CLYBL: variants seen among roughly 807,000 people sequenced by gnomAD.
CLYBL encodes the protein citramalyl-CoA lyase, mitochondrial.
CLYBL carries 31 observed loss-of-function variants against 38.9 expected under a neutral mutation model. The observed-to-expected ratio is 0.80, with a 90% confidence interval of 0.60 to 1.08. The LOEUF is 1.08. Ranked by LOEUF, CLYBL falls within the 50% of genes least tolerant of loss-of-function variation. The probability of loss-of-function intolerance (pLI) is 0.00; values close to 1 mark genes in which losing one functional copy is unlikely to be tolerated. For missense variants in CLYBL, 434 were observed against 411.6 expected, an observed-to-expected ratio of 1.05 and a Z score of -0.47; for synonymous variants, 171 against 158.6, an observed-to-expected ratio of 1.08 and a Z score of -0.59.
chr13:99,814,780 C>T (rs2050411117), intron 2 of CLYBL, among the ~76,000 whole-genome samples: 1 of 151,566 alleles, frequency 6.6e-6, no homozygotes, highest in Admixed American at 6.6e-5. Flanking sequence ...CCTATAATCC[C>T]AGCACTTTGG....
chr13:99,793,619 T>G (rs1341479738), intron 2 of CLYBL, among the ~76,000 whole-genome samples: 4 of 152,224 alleles, frequency 2.6e-5, no homozygotes, highest in Admixed American at 2.0e-4. Flanking sequence ...CTCATTGTTT[T>G]ATTCTTCAAA....
At chr13:99,639,362 C>T (rs774814414) in intron 1 of CLYBL, among the ~76,000 whole-genome samples, 13 of 152,298 alleles carry the variant, frequency 8.5e-5, no homozygotes, top group Admixed American at 2.0e-4. Context: ...ATATAAACCT[C>T]TAAGCAAGCT....
In CLYBL at chr13:99,784,449, CTTT is replaced by C. The variant is rs772465561; in HGVS notation, c.249+11460_249+11462del. ...TTCCTCTGCTTCTGGAAAATTCTCTCTTTTTTTTTTTTTTTTTTTTTTTGAGAT... is the reference window on the plus strand; with the variant it reads ...TTCCTCTGCTTCTGGAAAATTCTCTCTTTTTTTTTTTTTTTTTTTTGAGAT... On this transcript the variant is annotated intron_variant, in intron 2 of 8. Coordinates refer to ENST00000339105, the MANE Select transcript of CLYBL (RefSeq NM_206808.5). 9.0e-4 allele frequency among the ~76,000 whole-genome samples: 47 copies of C among 52,112 alleles called. 1 individual carries two copies. Among genetic ancestry groups the C allele is most frequent in the Admixed American group, 2.5e-3 (9 of 3,618 alleles). The allele number at this position is 52,112 out of a possible 152,430, so 34.2% of individuals were successfully genotyped here. A position where few individuals can be genotyped will look rare whatever the true frequency, so the allele number is the denominator to read the frequency against.
intron 2 of CLYBL, among the ~76,000 whole-genome samples, chr13:99,833,007 C>CACATATATATATATATATATAT (rs1555314794): frequency 1.9e-5 from 1 of 51,582 alleles, no homozygotes; most frequent in African/African-American, 7.7e-5. Context: ...TACATACATA[C>CACATATATATATATATATATAT]ATATATATAT....
chr13:99,759,874 C>A (rs2049133496), intron 1 of CLYBL, among the ~76,000 whole-genome samples: 1 of 152,170 alleles, frequency 6.6e-6, no homozygotes, highest in South Asian at 2.1e-4. Context: ...CAAAAATGGT[C>A]AAATATCAGC....
At chr13:99,838,360 A>AACTGATCAGAGGAGGGTTAT (rs2050988850) in intron 2 of CLYBL, among the ~76,000 whole-genome samples, 1 of 152,200 alleles carries the variant, frequency 6.6e-6, no homozygotes, top group Non-Finnish European at 1.5e-5. Flanking sequence ...CTTTCGAGAT[A>AACTGATCAGAGGAGGGTTAT]ACTGATCAGA....
At chr13:99,908,824 CT>C (rs1325679679) in exon 10 of CLYBL, among the ~76,000 whole-genome samples, 2 of 152,132 alleles carry the variant, frequency 1.3e-5, no homozygotes, top group African/African-American at 2.4e-5. Flanking sequence ...GTGCCTGCCC[CT>C]AATACATTTT....
At chr13:99,654,967 G>A (rs950434360) in intron 1 of CLYBL, among the ~76,000 whole-genome samples, 7 of 151,794 alleles carry the variant, frequency 4.6e-5, no homozygotes, top group Non-Finnish European at 5.9e-5. Flanking sequence ...ATCGCGCTCC[G>A]AAGTCCATTC....
chr13:99,819,523 AAG>A (rs1185387334), intron 2 of CLYBL, among the ~76,000 whole-genome samples: 1 of 145,528 alleles, frequency 6.9e-6, no homozygotes, highest in Non-Finnish European at 1.5e-5. Context: ...ATAGATATAT[AAG>A]AGGGGATTTA....
chr13:99,716,324 G>T (rs1287568435), intron 1 of CLYBL, among the ~76,000 whole-genome samples: 2 of 147,542 alleles, frequency 1.4e-5, no homozygotes, highest in Non-Finnish European at 3.0e-5. Context: ...TCATTTTTCA[G>T]TTTGCTGAAA....
intron 1 of CLYBL, among the ~76,000 whole-genome samples, chr13:99,680,454 AATG>A (rs1413456497): frequency 6.6e-6 from 1 of 152,158 alleles, no homozygotes; most frequent in Non-Finnish European, 1.5e-5. Flanking sequence ...GAAATAAAAG[AATG>A]ATATCTAAGT....
chr13:99,632,198 A>G (rs959983446), intron 1 of CLYBL, among the ~76,000 whole-genome samples: 1 of 152,248 alleles, frequency 6.6e-6, no homozygotes, highest in African/African-American at 2.4e-5. Context: ...CCAAATCTGC[A>G]TATGAAATTG....
At chr13:99,681,223 G>C (rs1440492082) in intron 1 of CLYBL, among the ~76,000 whole-genome samples, 2 of 152,088 alleles carry the variant, frequency 1.3e-5, no homozygotes, top group Non-Finnish European at 2.9e-5. Context: ...ATTTAAATAA[G>C]GCCTGTAGAA....
chr13:99,615,354 G>A (rs2046692562), intron 1 of CLYBL, among the ~76,000 whole-genome samples: 1 of 152,242 alleles, frequency 6.6e-6, no homozygotes, highest in Admixed American at 6.5e-5. Context: ...ATTTAGGAAT[G>A]CAGGTTTCTA....
intron 2 of CLYBL, among the ~76,000 whole-genome samples, chr13:99,855,592 G>C (rs965625692): frequency 1.3e-5 from 2 of 152,132 alleles, no homozygotes; most frequent in Non-Finnish European, 2.9e-5. Flanking sequence ...AGTGTGTGTG[G>C]CAGAGAGAGG....
intron 1 of CLYBL, among the ~76,000 whole-genome samples, chr13:99,635,116 C>T (rs568845055): frequency 6.6e-6 from 1 of 152,102 alleles, no homozygotes. Flanking sequence ...AGGACACCAT[C>T]GTGTGCTCTG....
intron 2 of CLYBL, among the ~76,000 whole-genome samples, chr13:99,802,513 G>T (rs568048982): frequency 2.0e-5 from 3 of 152,036 alleles, no homozygotes; most frequent in Non-Finnish European, 4.4e-5. Flanking sequence ...AATGGGAAAG[G>T]GGGGAGCTAT....
chr13:99,702,552 A>C (rs2048083628), intron 1 of CLYBL, among the ~76,000 whole-genome samples: 1 of 151,678 alleles, frequency 6.6e-6, no homozygotes, highest in African/African-American at 2.4e-5. Flanking sequence ...GAGTCGCTTG[A>C]ACCTGGGAGG....
At chr13:99,801,953 T>C (rs1310457226) in intron 2 of CLYBL, among the ~76,000 whole-genome samples, 1 of 152,114 alleles carries the variant, frequency 6.6e-6, no homozygotes, top group Admixed American at 6.5e-5. Context: ...TAGGCGGAGG[T>C]TGCAGTGAGC....
Sources: allele counts gnomAD v4.1 joint callset (sites outside exome capture counted in the v4.1 genomes callset), GRCh38; gene constraint gnomAD v4.1.1; transcripts MANE v1.5; gene names NCBI Gene and HGNC (gene_info 2026-07-23, HGNC 2026-07-21).